Variants in PLXDC2 observed in about 807,000 individuals in gnomAD.
The protein encoded by PLXDC2 is plexin domain containing 2.
PLXDC2 carries 40 observed loss-of-function variants against 68.9 expected under a neutral mutation model. The observed-to-expected ratio is 0.58, with a 90% confidence interval of 0.45 to 0.76. The LOEUF is 0.76. Ranked by LOEUF, PLXDC2 falls within the 30% of genes least tolerant of loss-of-function variation. The pLI is 0.00. For missense variants in PLXDC2, 644 were observed against 661.9 expected, an observed-to-expected ratio of 0.97 and a Z score of 0.30; for synonymous variants, 243 against 234.2, an observed-to-expected ratio of 1.04 and a Z score of -0.34.
chr10:20,163,425 A>G (rs1834332932), intron 6 of PLXDC2, among the ~76,000 whole-genome samples: 1 of 151,916 alleles, frequency 6.6e-6, no homozygotes, highest in South Asian at 2.1e-4. Context: ...ATTATATTAT[A>G]TATTCTCTCC....
chr10:19,916,997 T>G (rs879269066), intron 1 of PLXDC2, among the ~76,000 whole-genome samples: 1 of 152,174 alleles, frequency 6.6e-6, no homozygotes, highest in African/African-American at 2.4e-5. Context: ...ATGAAAAGAG[T>G]TTGAAGACCA....
At chr10:20,279,593 A>T in intron 13 of PLXDC2, 110 bp from the exon 14 acceptor site, 2 of 799,682 alleles carry the variant, frequency 2.5e-6, no homozygotes, top group Non-Finnish European at 4.2e-6. Context: ...GAGATAATTT[A>T]ATGTGTTAAT....
At chr10:20,174,423 T>G (rs1834497307) in intron 7 of PLXDC2, among the ~76,000 whole-genome samples, 1 of 152,186 alleles carries the variant, frequency 6.6e-6, no homozygotes, top group Non-Finnish European at 1.5e-5. Context: ...TATGCATCTT[T>G]CAGTTATACC....
At chr10:20,273,913 C>T (rs965573524) in intron 13 of PLXDC2, among the ~76,000 whole-genome samples, 1 of 151,980 alleles carries the variant, frequency 6.6e-6, no homozygotes, top group African/African-American at 2.4e-5. Flanking sequence ...GTGGTGCACT[C>T]CTGTCGTCCC....
At chr10:19,988,303 T>C (rs953014803) in intron 1 of PLXDC2, among the ~76,000 whole-genome samples, 1 of 152,230 alleles carries the variant, frequency 6.6e-6, no homozygotes, top group Non-Finnish European at 1.5e-5. Context: ...GGAACCTCTT[T>C]TGGGTTAACT....
intron 1 of PLXDC2, among the ~76,000 whole-genome samples, chr10:19,893,842 G>C (rs182298705): frequency 2.4e-4 from 36 of 152,286 alleles, no homozygotes; most frequent in Middle Eastern, 3.4e-3. Context: ...TCCCAGCACT[G>C]TTTCCTTTCT....
intron 4 of PLXDC2, among the ~76,000 whole-genome samples, chr10:20,115,948 G>T (rs550637767): frequency 2.0e-5 from 3 of 152,082 alleles, no homozygotes; most frequent in Non-Finnish European, 2.9e-5. Context: ...AGAATTCCTC[G>T]CAGCACGATG....
At position 19,910,925 on chromosome 10, in the gene PLXDC2, C is replaced by A. The variant is rs1468640800; in HGVS notation, c.113-90850C>A. Among the ~76,000 whole-genome samples, 6 of 152,168 alleles carry A rather than the reference C, an allele frequency of 3.9e-5. No individual in the cohort carries two copies. In the East Asian group the frequency reaches 1.2e-3, roughly 29 times the overall value. On this transcript the variant is annotated intron_variant, in intron 1 of 13. Coordinates refer to ENST00000377252, the MANE Select transcript of PLXDC2 (RefSeq NM_032812.9). ...CTTGGGAGGCTGAGGCAGAGAATCG[C>A]TTGAACCTGGGAGGCAAAGGTTGCA... is the stretch of plus-strand genomic sequence containing the variant.
At position 19,820,035 on chromosome 10, in the gene PLXDC2, C is replaced by A. The variant is rs77552038; in HGVS notation, c.112+2844C>A. On this transcript the variant is annotated intron_variant, in intron 1 of 13. Transcript: ENST00000377252. ...TTTTAAAAATATGAAATATGAGTTT[C>A]TTTTTCCTTTAGAGAACAGATACAA... Among the ~76,000 whole-genome samples, 371 of 152,248 alleles carry A rather than the reference C, an allele frequency of 2.4e-3. 8 individuals carry two copies. In the East Asian group the frequency reaches 0.053, roughly 22 times the overall value.
chr10:19,969,626 T>C (rs1834316649), intron 1 of PLXDC2, among the ~76,000 whole-genome samples: 1 of 152,208 alleles, frequency 6.6e-6, no homozygotes, highest in Non-Finnish European at 1.5e-5. Flanking sequence ...ACGAATAGCT[T>C]AGAGTCCTTT....
chr10:20,143,192 A>G, intron 4 of PLXDC2, 103 bp from the exon 5 acceptor site: 1 of 1,235,378 alleles, frequency 8.1e-7, no homozygotes. Flanking sequence ...CTACCATGAC[A>G]TTTTATTTTC....
At chr10:19,877,889 A>G (rs925505875) in intron 1 of PLXDC2, among the ~76,000 whole-genome samples, 2 of 152,194 alleles carry the variant, frequency 1.3e-5, no homozygotes, top group Admixed American at 6.5e-5. Flanking sequence ...TTTTGCATCA[A>G]TGGAGTAGCA....
chr10:20,195,385 A>G (rs1589675259), intron 9 of PLXDC2, among the ~76,000 whole-genome samples: 1 of 152,164 alleles, frequency 6.6e-6, no homozygotes, highest in African/African-American at 2.4e-5. Flanking sequence ...AAGGACCCAA[A>G]TCAACCGTGA....
chr10:20,143,624 A>C (rs898636186), intron 5 of PLXDC2, among the ~76,000 whole-genome samples: 1 of 152,120 alleles, frequency 6.6e-6, no homozygotes, highest in Non-Finnish European at 1.5e-5. Context: ...AACATCTACT[A>C]TACACAGTAA....
Position 19,953,589 on chromosome 10 carries a change from G to C in PLXDC2, c.113-48186G>C, listed in dbSNP as rs1252821459. 5.9e-5 allele frequency among the ~76,000 whole-genome samples: 9 copies of C among 152,190 alleles called. No individual in the cohort carries two copies. In the East Asian group the frequency reaches 1.7e-3, roughly 29 times the overall value. Reference sequence around the variant, plus strand: ...AAAGTTCAAATTTCCAGTAGGTCTAGAAGTAGTATTAGCATTAAAATCCAT... The same window carrying C: ...AAAGTTCAAATTTCCAGTAGGTCTACAAGTAGTATTAGCATTAAAATCCAT... On this transcript the variant is annotated intron_variant, in intron 1 of 13. Coordinates refer to ENST00000377252, the MANE Select transcript of PLXDC2 (RefSeq NM_032812.9).
intron 1 of PLXDC2, among the ~76,000 whole-genome samples, chr10:19,987,771 G>A (rs562639167): frequency 3.5e-4 from 53 of 151,856 alleles, no homozygotes; most frequent in South Asian, 2.3e-3. Context: ...TCACCTTGTT[G>A]GCCAGGATGG....
At chr10:19,999,093 C>T (rs1176062554) in intron 1 of PLXDC2, among the ~76,000 whole-genome samples, 3 of 152,152 alleles carry the variant, frequency 2.0e-5, no homozygotes, top group East Asian at 1.9e-4. Context: ...AATAGGAAAG[C>T]GAATTTGAGA....
intron 1 of PLXDC2, among the ~76,000 whole-genome samples, chr10:19,867,845 A>G (rs17756750): frequency 0.045 from 6,813 of 152,286 alleles, 194 homozygotes; most frequent in Middle Eastern, 0.12. Flanking sequence ...GTGTGTATGT[A>G]TAAATGTACC....
chr10:19,987,638 T>C (rs1371982252), intron 1 of PLXDC2, among the ~76,000 whole-genome samples: 1 of 151,700 alleles, frequency 6.6e-6, no homozygotes, highest in African/African-American at 2.4e-5. Context: ...CTCGGCTCAC[T>C]GCAAGCTCAG....
Sources: gnomAD v4.1 joint callset for allele counts (sites outside exome capture counted in the v4.1 genomes callset) on GRCh38, gnomAD v4.1.1 for gene constraint, MANE v1.5 for transcripts, NCBI Gene and HGNC (gene_info 2026-07-23, HGNC 2026-07-21) for gene names.